ZNF654: variants seen among roughly 807,000 people sequenced by gnomAD.
ZNF654 encodes the protein zinc finger protein 654.
In ZNF654, 19 loss-of-function variants were observed where a neutral mutation model predicts 95.3. The observed-to-expected ratio is 0.20, with a 90% CI of 0.14 to 0.29. The LOEUF (loss-of-function observed/expected upper bound fraction) is 0.29. ZNF654 is among the 10% of genes least tolerant of loss of function. ZNF654 has a pLI of 1.00. For missense variants in ZNF654, 1,046 were observed against 1,341.0 expected (o/e 0.78, Z 3.44); for synonymous variants, 413 against 457.9 (o/e 0.90, Z 1.25).
chr3:88,125,263 T>C (rs1454533892), intron 3 of ZNF654, among the ~76,000 whole-genome samples: 3 of 151,118 alleles, frequency 2.0e-5, no homozygotes, highest in Admixed American at 2.0e-4. Flanking sequence ...TAATAAAGTA[T>C]GTAATGAGCC....
intron 1 of ZNF654, among the ~76,000 whole-genome samples, chr3:88,075,242 C>G (rs1707736707): frequency 6.6e-6 from 1 of 152,200 alleles, no homozygotes; most frequent in African/African-American, 2.4e-5. Flanking sequence ...AAGAGCATAT[C>G]ACTTACTTGT....
intron 8 of ZNF654, 34 bp downstream of exon 8, chr3:88,141,082 T>C: frequency 6.5e-7 from 1 of 1,536,256 alleles, no homozygotes; most frequent in Non-Finnish European, 8.7e-7. Flanking sequence ...GAGGTATCTG[T>C]AGAAAGAGAA....
chr3:88,086,138 G>A, intron 1 of ZNF654, 119 bp from the exon 2 acceptor site: 2 of 794,062 alleles, frequency 2.5e-6, no homozygotes, highest in Non-Finnish European at 1.9e-6. Flanking sequence ...CCTCCCTCCA[G>A]TCACCTGTGT....
rs991179190 is a variant in ZNF654 at position 88,059,317 on chromosome 3, C to T, written c.-3C>T. 1.3e-6 allele frequency: 2 copies of T among 1,533,886 alleles called. No homozygotes were observed. The highest frequency in any genetic ancestry group is 1.4e-5 in the African/African-American group (1 of 72,898). Reference sequence around the variant, plus strand: ...CTGGTACGCGCTGGGCGGCGAGAGCCTCATGGCGGAGGAAGAGAGCGACCA... The same window carrying T: ...CTGGTACGCGCTGGGCGGCGAGAGCTTCATGGCGGAGGAAGAGAGCGACCA... On this transcript the variant is annotated 5_prime_UTR_variant, in exon 1 of 9. Coordinates refer to ENST00000636215, the MANE Select transcript of ZNF654 (RefSeq NM_001350134.2).
intron 7 of ZNF654, among the ~76,000 whole-genome samples, chr3:88,137,870 C>T (rs1310518197): frequency 1.3e-5 from 2 of 152,022 alleles, no homozygotes; most frequent in Non-Finnish European, 2.9e-5. Context: ...GTAATCTATA[C>T]TATACCATAT....
At chr3:88,109,003 C>T (rs1052464597) in intron 2 of ZNF654, among the ~76,000 whole-genome samples, 7 of 151,950 alleles carry the variant, frequency 4.6e-5, no homozygotes, top group Non-Finnish European at 1.0e-4. Flanking sequence ...ATGGAAAAGG[C>T]GTTACATTTG....
chr3:88,134,075 C>G (rs749493507), intron 6 of ZNF654, among the ~76,000 whole-genome samples: 5 of 151,174 alleles, frequency 3.3e-5, no homozygotes, highest in Non-Finnish European at 7.4e-5. Flanking sequence ...GGTATGAAAC[C>G]TTGTGAGAGT....
chr3:88,084,081 T>G (rs1244561687), intron 1 of ZNF654, among the ~76,000 whole-genome samples: 1 of 152,192 alleles, frequency 6.6e-6, no homozygotes, highest in Non-Finnish European at 1.5e-5. Context: ...TTTGTTTATG[T>G]CCCTTTCAGG....
intron 2 of ZNF654, among the ~76,000 whole-genome samples, chr3:88,096,591 G>A (rs571814566): frequency 8.6e-5 from 13 of 152,000 alleles, no homozygotes; most frequent in Non-Finnish European, 1.5e-4. Context: ...ATACTTTAAA[G>A]AAGTCCATCC....
At chr3:88,083,069 T>TTCCTCACTCTTCC (rs1187015278) in intron 1 of ZNF654, among the ~76,000 whole-genome samples, 2 of 151,374 alleles carry the variant, frequency 1.3e-5, no homozygotes, top group East Asian at 2.0e-4. Flanking sequence ...CTCCCTCTTC[T>TTCCTCACTCTTCC]TCCTCACTCT....
intron 6 of ZNF654, 120 bp downstream of exon 6, chr3:88,129,946 A>G: frequency 1.1e-6 from 1 of 907,688 alleles, no homozygotes; most frequent in South Asian, 3.4e-5. Context: ...AAAAAAATTG[A>G]TTGTGCAAGG....
intron 6 of ZNF654, among the ~76,000 whole-genome samples, chr3:88,130,221 A>G (rs1217414104): frequency 7.2e-5 from 11 of 152,164 alleles, no homozygotes. Context: ...GGGGCTATTA[A>G]GAATTTCTGT....
intron 6 of ZNF654, among the ~76,000 whole-genome samples, chr3:88,131,207 G>T (rs1706439150): frequency 6.6e-6 from 1 of 152,146 alleles, no homozygotes; most frequent in Non-Finnish European, 1.5e-5. Context: ...ATTTGTCTAT[G>T]CAGACATATC....
rs745387879 is a variant in ZNF654, at chr3:88,141,512, GA to G, written c.3380-128del. 12 of 578,550 alleles carry G rather than the reference GA, an allele frequency of 2.1e-5. No individual in the cohort carries two copies. The East Asian group carries it at 3.7e-4, about 18-fold the overall frequency. 35.8% of individuals were successfully genotyped at this position (578,550 alleles called of 1,614,324 possible). A position where few individuals can be genotyped will look rare whatever the true frequency, so the allele number is the denominator to read the frequency against. On this transcript the variant is annotated intron_variant, in intron 8 of 8. Coordinates refer to ENST00000636215, the MANE Select transcript of ZNF654 (RefSeq NM_001350134.2). ...AGAAAATAATTGAGAAACAAAATCAGAAAAAGAGCTTGTCTGTCTACTAATA... is the reference window on the plus strand; with the variant it reads ...AGAAAATAATTGAGAAACAAAATCAGAAAAGAGCTTGTCTGTCTACTAATA...
Position 88,126,130 on chromosome 3 carries a change from C to T in ZNF654, c.415-4C>T. On this transcript the variant is annotated splice_polypyrimidine_tract_variant and splice_region_variant and intron_variant, in intron 3 of 8. Transcript: ENST00000636215. ...ACAGAGCCAAAATGATTTTTCTCTC[C>T]TAGGAATGCCAGAATCACCTCCGCA... is the stretch of plus-strand genomic sequence containing the variant. 3 of 1,496,638 alleles carry T rather than the reference C, an allele frequency of 2.0e-6. No homozygotes were observed. Among genetic ancestry groups the T allele is most frequent in the Non-Finnish European group, 1.8e-6 (2 of 1,126,306 alleles). The allele number at this position is 1,496,638 out of a possible 1,614,324, so 92.7% of individuals were successfully genotyped here.
chr3:88,098,694 C>A (rs1217233899), intron 2 of ZNF654, among the ~76,000 whole-genome samples: 2 of 152,080 alleles, frequency 1.3e-5, no homozygotes, highest in Non-Finnish European at 2.9e-5. Context: ...AATCAATAAA[C>A]GTAATCCAGC....
rs532370807 is a variant in ZNF654 at position 88,078,335 on chromosome 3, A to AT, written c.187-7918dup. The stretch of plus-strand genomic sequence containing the variant: ...TTTGGAACTTCTAACAAGGTGAATG[A>AT]TTTTCAAATTGGTAACTAAATGTGG... On this transcript the variant is annotated intron_variant, in intron 1 of 8. Transcript: ENST00000636215. 3.8e-3 allele frequency among the ~76,000 whole-genome samples: 580 copies of AT among 152,312 alleles called. 15 individuals carry two copies. The highest frequency in any genetic ancestry group is 7.1e-4 in the Non-Finnish European group (48 of 68,006).
intron 3 of ZNF654, among the ~76,000 whole-genome samples, chr3:88,114,922 C>T (rs1197718533): frequency 6.6e-6 from 1 of 152,208 alleles, no homozygotes; most frequent in Non-Finnish European, 1.5e-5. Context: ...AATTCAGTGA[C>T]AACCCCAAAT....
rs574163950 is a variant in ZNF654 at position 88,099,270 on chromosome 3, AC to A, written c.332+12869del. Reference sequence around the variant, plus strand: ...AATAAAATACCTAGGAATCCAACTTACAAGGGATGTGAAGGACCTCTTCAAG... The same window carrying A: ...AATAAAATACCTAGGAATCCAACTTAAAGGGATGTGAAGGACCTCTTCAAG... On this transcript the variant is annotated intron_variant, in intron 2 of 8. Coordinates refer to ENST00000636215, the MANE Select transcript of ZNF654 (RefSeq NM_001350134.2). Among the ~76,000 whole-genome samples the A allele has an allele frequency of 2.8e-4, 42 of 152,348 alleles. 1 individual carries two copies. The South Asian group carries it at 7.0e-3, about 26-fold the overall frequency.
Sources: gnomAD v4.1 joint callset for allele counts (sites outside exome capture counted in the v4.1 genomes callset) on GRCh38, gnomAD v4.1.1 for gene constraint, MANE v1.5 for transcripts, NCBI Gene and HGNC (gene_info 2026-07-23, HGNC 2026-07-21) for gene names.